MCPH1: variants seen among roughly 807,000 people sequenced by gnomAD.
MCPH1 encodes microcephalin.
MCPH1 carries 104 observed loss-of-function variants against 84.5 expected under a neutral mutation model. That is an observed-to-expected ratio of 1.23 (90% CI 1.05 to 1.45). MCPH1 has a LOEUF of 1.45. Ranked by LOEUF, MCPH1 falls within the 40% of genes most tolerant of loss-of-function variation. MCPH1 has a pLI of 0.00. For synonymous variants in MCPH1, 514 were observed against 366.8 expected (o/e 1.40, Z -4.58); for missense variants, 1,498 against 1,005.7 (o/e 1.49, Z -6.62).
At chr8:6,530,379 T>A (rs1353830551) in intron 12 of MCPH1, among the ~76,000 whole-genome samples, 1 of 152,002 alleles carries the variant, frequency 6.6e-6, no homozygotes, top group African/African-American at 2.4e-5. Context: ...TGTGGTAGCC[T>A]GCACCTGTAA....
intron 12 of MCPH1, chr8:6,502,311 T>C (rs1405238239): frequency 1.3e-5 from 2 of 152,200 alleles, no homozygotes; most frequent in African/African-American, 2.4e-5. Context: ...TAATAAGTTA[T>C]ATTTAATTAC....
intron 12 of MCPH1, among the ~76,000 whole-genome samples, chr8:6,513,162 C>A (rs1164040629): frequency 6.6e-6 from 1 of 152,078 alleles, no homozygotes; most frequent in African/African-American, 2.4e-5. Flanking sequence ...ACACAATGGA[C>A]AAAATACTGT....
chr8:6,435,478 G>A (rs1802510359), intron 4 of MCPH1, among the ~76,000 whole-genome samples: 2 of 152,288 alleles, frequency 1.3e-5, no homozygotes, highest in African/African-American at 4.8e-5. Flanking sequence ...GGGTGATGCT[G>A]GGAGGTGTCA....
At chr8:6,425,915 T>G (rs1298592100) in intron 3 of MCPH1, among the ~76,000 whole-genome samples, 5 of 152,208 alleles carry the variant, frequency 3.3e-5, no homozygotes, top group Non-Finnish European at 7.3e-5. Context: ...TCTACGTCTT[T>G]CGTCCAGATG....
rs1798104528 is a variant in MCPH1, at chr8:6,644,234, C to G, written c.*1185C>G. 6.6e-6 allele frequency: 1 copy of G among 152,102 alleles called. No homozygotes were observed. The highest frequency in any genetic ancestry group is 1.5e-5 in the Non-Finnish European group (1 of 68,020). 9.4% of individuals were successfully genotyped at this position (152,102 alleles called of 1,614,324 possible). On this transcript the variant is annotated 3_prime_UTR_variant, in exon 14 of 14. Transcript: ENST00000344683. The stretch of plus-strand genomic sequence containing the variant: ...TGAATCAAGATTGCTCCACTGCACT[C>G]CAGCCTGGGCAACAGAGTAACTCTC...
chr8:6,485,097 C>T (rs1312008246), intron 11 of MCPH1, among the ~76,000 whole-genome samples: 1 of 152,060 alleles, frequency 6.6e-6, no homozygotes, highest in Non-Finnish European at 1.5e-5. Flanking sequence ...GAGGCCGAGG[C>T]GTGTGGATCA....
chr8:6,559,003 C>T (rs927779510), intron 12 of MCPH1, among the ~76,000 whole-genome samples: 1 of 152,082 alleles, frequency 6.6e-6, no homozygotes, highest in Non-Finnish European at 1.5e-5. Flanking sequence ...TTCCTTACTG[C>T]ATTCCTTACT....
Position 6,446,050 on chromosome 8 carries a change from CTT to C in MCPH1, c.1825+505_1825+506del, listed in dbSNP as rs1398830892. 13 of 981,104 alleles carry C rather than the reference CTT, an allele frequency of 1.3e-5. No homozygotes were observed. The South Asian group carries it at 1.4e-4, about 11-fold the overall frequency. The allele number at this position is 981,104 out of a possible 1,614,324, so 60.8% of individuals were successfully genotyped here. On this transcript the variant is annotated intron_variant, in intron 8 of 13. Coordinates refer to ENST00000344683, the MANE Select transcript of MCPH1 (RefSeq NM_024596.5). ...TTGTCAATATTGATTTTTGAAGAAA[CTT>C]TGGTCAGTGTTAACTATGAAGAAAC...
rs1360144409 is a variant in MCPH1, at chr8:6,572,611, AT to A, written c.2215-48838del. The stretch of plus-strand genomic sequence containing the variant: ...ACGTGCACACACACAGTGAAAAAAT[AT>A]TTTTAGGCATTCATTTAGCATACAT... On this transcript the variant is annotated intron_variant, in intron 12 of 13. Coordinates refer to ENST00000344683, the MANE Select transcript of MCPH1 (RefSeq NM_024596.5). Among the ~76,000 whole-genome samples, 11 of 152,352 alleles carry A rather than the reference AT, an allele frequency of 7.2e-5. No homozygotes were observed. In the South Asian group the frequency reaches 8.3e-4, roughly 11 times the overall value.
At chr8:6,532,753 A>G (rs1819767246) in intron 12 of MCPH1, among the ~76,000 whole-genome samples, 2 of 152,198 alleles carry the variant, frequency 1.3e-5, no homozygotes, top group Non-Finnish European at 1.5e-5. Flanking sequence ...GTGTTCTTCT[A>G]GAAGTCCATG....
chr8:6,446,681 CCTGTT>C (rs1804427821), intron 8 of MCPH1: 2 of 984,608 alleles, frequency 2.0e-6, no homozygotes, highest in Non-Finnish European at 2.4e-6. Flanking sequence ...TTAAGAATAT[CCTGTT>C]CTGAGGTTTA....
chr8:6,506,291 G>A (rs905798919), intron 12 of MCPH1, among the ~76,000 whole-genome samples: 3 of 151,632 alleles, frequency 2.0e-5, no homozygotes, highest in Admixed American at 6.6e-5. Context: ...TCATTAGGCT[G>A]GTTCATTCAT....
chr8:6,431,145 T>C (rs1801777782), intron 3 of MCPH1, among the ~76,000 whole-genome samples: 1 of 152,168 alleles, frequency 6.6e-6, no homozygotes, highest in African/African-American at 2.4e-5. Context: ...GAATTATCTG[T>C]TTTATGGCCT....
chr8:6,620,844 C>T (rs1396081556), intron 12 of MCPH1: 1 of 158,522 alleles, frequency 6.3e-6, no homozygotes, highest in Non-Finnish European at 1.4e-5. Context: ...TGAAATGTTT[C>T]CCAACAGCTC....
intron 11 of MCPH1, among the ~76,000 whole-genome samples, chr8:6,481,527 G>C (rs1244988781): frequency 1.3e-5 from 2 of 152,098 alleles, no homozygotes; most frequent in Admixed American, 6.5e-5. Context: ...CACTTGTTAC[G>C]TATGTTACCA....
chr8:6,479,231 C>CTT (rs1808865014), intron 10 of MCPH1, among the ~76,000 whole-genome samples: 1 of 151,820 alleles, frequency 6.6e-6, no homozygotes, highest in Admixed American at 6.6e-5. Context: ...TGTACCACTG[C>CTT]ACTCCAGCCT....
At chr8:6,641,762 T>G (rs962024738) in intron 13 of MCPH1, among the ~76,000 whole-genome samples, 3 of 152,172 alleles carry the variant, frequency 2.0e-5, no homozygotes, top group Admixed American at 6.5e-5. Flanking sequence ...AAAAAATATG[T>G]AAATCATAAT....
chr8:6,465,322 C>T (rs768590011), intron 9 of MCPH1, among the ~76,000 whole-genome samples: 2 of 152,208 alleles, frequency 1.3e-5, no homozygotes, highest in Non-Finnish European at 2.9e-5. Context: ...GTACCAGTCC[C>T]TCTCGTTTAG....
intron 3 of MCPH1, among the ~76,000 whole-genome samples, chr8:6,426,273 A>C (rs915451786): frequency 1.3e-5 from 2 of 152,178 alleles, no homozygotes; most frequent in Non-Finnish European, 2.9e-5. Flanking sequence ...TACCTGTGTC[A>C]CCACCACAAC....
Sources: gnomAD v4.1 joint callset for allele counts (sites outside exome capture counted in the v4.1 genomes callset) on GRCh38, gnomAD v4.1.1 for gene constraint, MANE v1.5 for transcripts, NCBI Gene and HGNC (gene_info 2026-07-23, HGNC 2026-07-21) for gene names.